Variants in PRMT8 observed in about 807,000 individuals in gnomAD.
The protein encoded by PRMT8 is protein arginine N-methyltransferase 8.
A neutral mutation model predicts 47.1 loss-of-function variants in PRMT8; 7 were observed. The observed-to-expected ratio is 0.15, with a 90% confidence interval of 0.08 to 0.28. PRMT8 has a LOEUF of 0.28. Among genes scored for constraint, PRMT8 ranks in the 10% least tolerant of loss-of-function variants. The probability of loss-of-function intolerance (pLI) is 1.00; values close to 1 mark genes in which losing one functional copy is unlikely to be tolerated. For missense variants in PRMT8, 237 were observed against 505.4 expected, an observed-to-expected ratio of 0.47 and a Z score of 5.09; for synonymous variants, 188 against 186.5, an observed-to-expected ratio of 1.01 and a Z score of -0.07.
At chr12:3,395,389 C>A (rs1864239073) in intron 1 of PRMT8, among the ~76,000 whole-genome samples, 1 of 150,050 alleles carries the variant, frequency 6.7e-6, no homozygotes, top group Non-Finnish European at 1.5e-5. Flanking sequence ...TTGAATGTGT[C>A]CCAGAGATTC....
chr12:3,451,999 A>G (rs1380611976), intron 1 of PRMT8, among the ~76,000 whole-genome samples: 1 of 152,188 alleles, frequency 6.6e-6, no homozygotes, highest in African/African-American at 2.4e-5. Flanking sequence ...GACTGTTAGG[A>G]TGAAAAACGC....
intron 4 of PRMT8, among the ~76,000 whole-genome samples, chr12:3,567,941 C>T (rs955925863): frequency 1.3e-5 from 2 of 152,072 alleles, no homozygotes; most frequent in Non-Finnish European, 2.9e-5. Flanking sequence ...GGCGTGGTGG[C>T]ACATGCCTGT....
intron 1 of PRMT8, among the ~76,000 whole-genome samples, chr12:3,430,038 T>C (rs930142952): frequency 2.6e-5 from 4 of 152,214 alleles, no homozygotes; most frequent in African/African-American, 9.7e-5. Context: ...AAGGGCTTTA[T>C]TCAGCTGGGA....
chr12:3,471,544 G>A (rs567468735), intron 1 of PRMT8, among the ~76,000 whole-genome samples: 3 of 151,728 alleles, frequency 2.0e-5, no homozygotes, highest in South Asian at 2.1e-4. Context: ...TTCCCAGCAC[G>A]ATGCCTCCTC....
intron 1 of PRMT8, among the ~76,000 whole-genome samples, chr12:3,395,898 G>C (rs533459376): frequency 6.6e-6 from 1 of 152,180 alleles, no homozygotes; most frequent in Non-Finnish European, 1.5e-5. Context: ...GGGTGCTCCT[G>C]TATTGAGTGC....
rs34785835 is a variant in PRMT8 at position 3,496,914 on chromosome 12, ATTTT to A, written c.75+5230_75+5233del. Among the ~76,000 whole-genome samples the A allele has an allele frequency of 9.4e-3, 1,214 of 129,430 alleles. 18 individuals are homozygous for A. The highest frequency in any genetic ancestry group is 0.033 in the African/African-American group (1,142 of 35,112). 84.9% of individuals were successfully genotyped at this position (129,430 alleles called of 152,430 possible). On this transcript the variant is annotated intron_variant, in intron 1 of 9. Transcript: ENST00000382622. ...CTCAGGAGAATTAAGAAGATACCCAATTTTTTTTTTTTTTTTTTTGCCTGGCTAA... is the reference window on the plus strand; with the variant it reads ...CTCAGGAGAATTAAGAAGATACCCAATTTTTTTTTTTTTTTGCCTGGCTAA...
intron 1 of PRMT8, among the ~76,000 whole-genome samples, chr12:3,457,902 G>C (rs906676696): frequency 3.0e-5 from 4 of 134,274 alleles, no homozygotes; most frequent in Non-Finnish European, 4.6e-5. Flanking sequence ...GAGTGCAGTG[G>C]TGTGATCTCA....
intron 1 of PRMT8, among the ~76,000 whole-genome samples, chr12:3,467,413 T>A (rs1298561676): frequency 6.6e-6 from 1 of 152,090 alleles, no homozygotes; most frequent in Non-Finnish European, 1.5e-5. Flanking sequence ...CTTCTGGAGC[T>A]TGGTCAGAGG....
chr12:3,592,067 G>T (rs896264394), intron 8 of PRMT8, among the ~76,000 whole-genome samples, 164 bp from the exon 9 acceptor site: 2 of 152,014 alleles, frequency 1.3e-5, no homozygotes, highest in East Asian at 3.9e-4. Context: ...TTGGAGGAAG[G>T]CTATAAGGAC....
chr12:3,547,468 A>G (rs1173998428), intron 2 of PRMT8, among the ~76,000 whole-genome samples: 1 of 152,184 alleles, frequency 6.6e-6, no homozygotes, highest in East Asian at 1.9e-4. Flanking sequence ...CACCATATAC[A>G]GTATCACAAA....
In PRMT8 at chr12:3,566,189, A is replaced by G. The variant is rs1278277334; in HGVS notation, c.482-2517A>G. The stretch of plus-strand genomic sequence containing the variant: ...AAATGATTAGGCAGGTGAGTCATGC[A>G]TATATTTGTCAGTTCTCTTTCAAAA... On this transcript the variant is annotated intron_variant, in intron 4 of 9. Coordinates refer to ENST00000382622, the MANE Select transcript of PRMT8 (RefSeq NM_019854.5). The surrounding 1 kb of genome is among the most constrained non-coding windows in gnomAD (Gnocchi z 4.7). 1.3e-5 allele frequency among the ~76,000 whole-genome samples: 2 copies of G among 152,238 alleles called. No homozygotes were observed. Among genetic ancestry groups the G allele is most frequent in the African/African-American group, 4.8e-5 (2 of 41,460 alleles).
chr12:3,542,018 A>G (rs952976333), intron 2 of PRMT8, among the ~76,000 whole-genome samples: 1 of 139,852 alleles, frequency 7.2e-6, no homozygotes, highest in Admixed American at 7.0e-5. Flanking sequence ...GTTCCTAACC[A>G]TCATGCCATA....
At chr12:3,401,418 A>T (rs898401286) in intron 1 of PRMT8, among the ~76,000 whole-genome samples, 1 of 152,108 alleles carries the variant, frequency 6.6e-6, no homozygotes, top group Non-Finnish European at 1.5e-5. Context: ...TCGGCACAAG[A>T]AAAGGATGCC....
chr12:3,461,637 G>A (rs775337598), intron 1 of PRMT8, among the ~76,000 whole-genome samples: 8 of 152,202 alleles, frequency 5.3e-5, no homozygotes, highest in Non-Finnish European at 5.9e-5. Flanking sequence ...TCTTCTGAGC[G>A]AGACTCCCTC....
chr12:3,392,832 T>C (rs1403679167), intron 1 of PRMT8, among the ~76,000 whole-genome samples: 1 of 152,012 alleles, frequency 6.6e-6, no homozygotes, highest in African/African-American at 2.4e-5. Flanking sequence ...CCACCAACAG[T>C]GTAAAAGTGT....
At chr12:3,460,437 A>G (rs1865028341) in intron 1 of PRMT8, among the ~76,000 whole-genome samples, 1 of 152,222 alleles carries the variant, frequency 6.6e-6, no homozygotes, top group Non-Finnish European at 1.5e-5. Context: ...TGCAGTGGTT[A>G]CTTGTAGACT....
At chr12:3,434,176 C>T (rs1864712707) in intron 1 of PRMT8, among the ~76,000 whole-genome samples, 1 of 152,104 alleles carries the variant, frequency 6.6e-6, no homozygotes, top group Non-Finnish European at 1.5e-5. Flanking sequence ...AAGAAAGCAC[C>T]ACCATTAAAA....
intron 1 of PRMT8, among the ~76,000 whole-genome samples, chr12:3,517,639 T>C (rs954039538): frequency 4.6e-5 from 7 of 151,790 alleles, no homozygotes; most frequent in South Asian, 2.1e-4. Flanking sequence ...GAAACCTCCA[T>C]TGAGGGAGGC....
At chr12:3,497,755 T>C (rs1377465663) in intron 1 of PRMT8, among the ~76,000 whole-genome samples, 1 of 152,252 alleles carries the variant, frequency 6.6e-6, no homozygotes, top group African/African-American at 2.4e-5. Flanking sequence ...ATATTTGTAA[T>C]GAGTGGCCCA....
Sources: gnomAD v4.1 joint callset for allele counts (sites outside exome capture counted in the v4.1 genomes callset) on GRCh38, gnomAD v4.1.1 for gene constraint, Gnocchi (gnomAD v3.1) non-coding constraint, MANE v1.5 for transcripts, NCBI Gene and HGNC (gene_info 2026-07-23, HGNC 2026-07-21) for gene names.